C5AR2: variants seen among roughly 807,000 people sequenced by gnomAD.
The protein encoded by C5AR2 is complement C5a receptor 2.
For missense variants in C5AR2, 458 were observed against 467.5 expected, an observed-to-expected ratio of 0.98 and a Z score of 0.19; for synonymous variants, 224 against 216.5, an observed-to-expected ratio of 1.03 and a Z score of -0.30.
At position 47,341,276 on chromosome 19, in the gene C5AR2, G is replaced by A. The variant is rs1969020194; in HGVS notation, c.477G>A (p.Trp159Ter). The change falls in exon 2 of 2, where the codon TGG (tryptophan) becomes TGA (stop). Residue 159 changes from tryptophan (W) to a stop codon, truncating the protein, a stop_gained. Coordinates refer to ENST00000595464, the MANE Select transcript of C5AR2 (RefSeq NM_001271749.2). LOFTEE classifies it low-confidence loss of function (END_TRUNC). This position sits in a 1 kb window ranked among gnomAD's most constrained non-coding sequence, Gnocchi z 4.6. ...CGVQVACGAAWTLALLLTVPS... is the reference protein window; with the variant it reads ...CGVQVACGAA ...TGCAGGTGGCCTGTGGGGCAGCCTGGACACTGGCCTTGCTGCTCACCGTGC... is the reference window on the plus strand; with the variant it reads ...TGCAGGTGGCCTGTGGGGCAGCCTGAACACTGGCCTTGCTGCTCACCGTGC... The A allele has an allele frequency of 6.2e-7, 1 of 1,606,108 alleles. No individual in the cohort carries two copies. Among genetic ancestry groups the A allele is most frequent in the East Asian group, 2.2e-5 (1 of 44,870 alleles).
At position 47,341,550 on chromosome 19, in the gene C5AR2, C is replaced by A. The variant is rs746367478; in HGVS notation, c.751C>A (p.Leu251Met). The A allele has an allele frequency of 1.4e-5, 22 of 1,613,208 alleles. No homozygotes were observed. The South Asian group carries it at 2.2e-4, about 16-fold the overall frequency. The change falls in exon 2 of 2, where the codon CTG (leucine) becomes ATG (methionine). Residue 251 changes from leucine to methionine, a missense_variant. Physicochemically the swap from Leu to Met is conservative, Grantham distance 15. Coordinates refer to ENST00000595464, the MANE Select transcript of C5AR2 (RefSeq NM_001271749.2). The surrounding 1 kb of genome is among the most constrained non-coding windows in gnomAD (Gnocchi z 4.6). ...GFFVCWAPYH[L>M]LGLVLTVAAP... Reference sequence around the variant, plus strand: ...TTTTGTCTGCTGGGCACCCTACCACCTGCTGGGGCTGGTGCTCACTGTGGC... The same window carrying A: ...TTTTGTCTGCTGGGCACCCTACCACATGCTGGGGCTGGTGCTCACTGTGGC...
chr19:47,340,702 G>T, intron 1 of C5AR2, 83 bp from the exon 2 acceptor site: 1 of 1,280,836 alleles, frequency 7.8e-7, no homozygotes, highest in South Asian at 1.2e-5. Context: ...AGGTGCTGGT[G>T]GGCCGGGCTG....
In C5AR2 at chr19:47,340,933, T is replaced by C. The variant is rs1969006773; in HGVS notation, c.134T>C (p.Ile45Thr). 6.2e-7 allele frequency: 1 copy of C among 1,612,436 alleles called. No homozygotes were observed. The highest frequency in any genetic ancestry group is 8.5e-7 in the Non-Finnish European group (1 of 1,179,918). ...GCCCCGCTCCCACTGTATGCCGCCA[T>C]CTTCCTGGTGGGGGTGCCGGGCAAT... ...RVAPLPLYAA[I>T]FLVGVPGNAM... Residue 45 changes from isoleucine (I) to threonine (T), a missense_variant, in exon 2 of 2, where the codon ATC (isoleucine) becomes ACC (threonine). By Grantham distance (89) the Ile-to-Thr change is moderately conservative. Coordinates refer to ENST00000595464, the MANE Select transcript of C5AR2 (RefSeq NM_001271749.2).
intron 1 of C5AR2, among the ~76,000 whole-genome samples, chr19:47,334,468 GAA>G (rs58125577): frequency 7.2e-6 from 1 of 138,400 alleles, no homozygotes; most frequent in Non-Finnish European, 1.5e-5. Context: ...TGTCCATACA[GAA>G]AAAAAAAAAA....
Position 47,341,953 on chromosome 19 carries a change from T to C in C5AR2, c.*140T>C. The C allele has an allele frequency of 1.2e-6, 1 of 828,486 alleles. No individual in the cohort carries two copies. Among genetic ancestry groups the C allele is most frequent in the East Asian group, 2.6e-5 (1 of 37,806 alleles). 51.3% of individuals were successfully genotyped at this position (828,486 alleles called of 1,614,324 possible). ...ACAGATATCCATCATGCACTTGCTA[T>C]GTGCAAGGCCTTTTTAGGCACTAGA... On this transcript the variant is annotated 3_prime_UTR_variant, in exon 2 of 2. Coordinates refer to ENST00000595464, the MANE Select transcript of C5AR2 (RefSeq NM_001271749.2). This position sits in a 1 kb window ranked among gnomAD's most constrained non-coding sequence, Gnocchi z 4.6.
chr19:47,341,018 G>T lies in C5AR2; in HGVS notation c.219G>T (p.Leu73Phe). ...VARRRVGATW[L>F]LHLAVADLLC... Reference sequence around the variant, plus strand: ...GCCGGAGGGTGGGTGCCACCTGGTTGCTCCACCTGGCCGTGGCGGATTTGC... The same window carrying T: ...GCCGGAGGGTGGGTGCCACCTGGTTTCTCCACCTGGCCGTGGCGGATTTGC... Residue 73 changes from leucine (L) to phenylalanine (F), a missense_variant, in exon 2 of 2, where the codon TTG becomes TTT. Leu to Phe is a conservative substitution (Grantham distance 22, BLOSUM62 0). Transcript: ENST00000595464. The surrounding 1 kb of genome is among the most constrained non-coding windows in gnomAD (Gnocchi z 4.6). 1 of 1,608,694 alleles carries T rather than the reference G, an allele frequency of 6.2e-7. No homozygotes were observed.
intron 1 of C5AR2, among the ~76,000 whole-genome samples, chr19:47,334,966 C>T (rs2059351890): frequency 2.0e-5 from 3 of 151,988 alleles, no homozygotes; most frequent in South Asian, 4.2e-4. Flanking sequence ...CTGACTGCAA[C>T]CTCCACCTCC....
Position 47,340,779 on chromosome 19 carries a change from G to A in C5AR2, c.-15-6G>A. 6.2e-7 allele frequency: 1 copy of A among 1,612,872 alleles called. No individual in the cohort carries two copies. The highest frequency in any genetic ancestry group is 8.5e-7 in the Non-Finnish European group (1 of 1,179,748). ...TGAGTTTTCATCGTCTTTCTCTCCT[G>A]CCCAGACACCAGGAGCCTGAATGGG... is the stretch of plus-strand genomic sequence containing the variant. On this transcript the variant is annotated splice_region_variant and splice_polypyrimidine_tract_variant and intron_variant, in intron 1 of 1. Transcript: ENST00000595464.
intron 1 of C5AR2, among the ~76,000 whole-genome samples, chr19:47,336,499 TTCTTTC>T (rs2059359126): frequency 6.8e-6 from 1 of 146,888 alleles, no homozygotes; most frequent in South Asian, 2.2e-4. Context: ...CTTTCTTTCT[TTCTTTC>T]TTTCTTTTTC....
intron 1 of C5AR2, among the ~76,000 whole-genome samples, chr19:47,338,275 T>G (rs971806836): frequency 3.6e-4 from 1 of 2,768 alleles, no homozygotes; most frequent in Non-Finnish European, 6.2e-4. Flanking sequence ...ACCCTGTCTC[T>G]AAAAAAAATA....
intron 1 of C5AR2, among the ~76,000 whole-genome samples, chr19:47,337,332 CA>C (rs530442589): frequency 5.3e-4 from 81 of 152,164 alleles, no homozygotes; most frequent in Non-Finnish European, 9.3e-4. Flanking sequence ...TATTCTAGGG[CA>C]TGGGGTTCTG....
rs1241331535 is a variant in C5AR2 at position 47,344,740 on chromosome 19, A to G, written c.*2927A>G. The G allele has an allele frequency of 6.6e-6, 1 of 152,126 alleles. No homozygotes were observed. The highest frequency in any genetic ancestry group is 1.5e-5 in the Non-Finnish European group (1 of 68,026). The allele number at this position is 152,126 out of a possible 1,614,324, so 9.4% of individuals were successfully genotyped here. A position where few individuals can be genotyped will look rare whatever the true frequency, so the allele number is the denominator to read the frequency against. On this transcript the variant is annotated 3_prime_UTR_variant, in exon 2 of 2. Transcript: ENST00000595464. ...GTCCCAGCTAAACTGTAAATTCCCC[A>G]AGGGTAACAACTGGACTAATTTTTT...
intron 1 of C5AR2, among the ~76,000 whole-genome samples, chr19:47,335,367 G>T (rs2059353376): frequency 6.6e-6 from 1 of 151,960 alleles, no homozygotes; most frequent in Non-Finnish European, 1.5e-5. Flanking sequence ...ATGAAGAAAT[G>T]GAACAACGTA....
rs1338098738 is a variant in C5AR2, at chr19:47,344,370, CAT to C, written c.*2559_*2560del. The C allele has an allele frequency of 1.3e-5, 2 of 151,496 alleles. No homozygotes were observed. Among genetic ancestry groups the C allele is most frequent in the African/African-American group, 2.4e-5 (1 of 40,968 alleles). The allele number at this position is 151,496 out of a possible 1,614,324, so 9.4% of individuals were successfully genotyped here. On this transcript the variant is annotated 3_prime_UTR_variant, in exon 2 of 2. Transcript: ENST00000595464. Reference sequence around the variant, plus strand: ...GCTAAATAAATAAATAAATAAATAACATAGTAGTGATACCTGTGTCTGCGGTC... The same window carrying C: ...GCTAAATAAATAAATAAATAAATAACAGTAGTGATACCTGTGTCTGCGGTC...
chr19:47,335,043 C>A (rs568842496), intron 1 of C5AR2, among the ~76,000 whole-genome samples: 2 of 108,218 alleles, frequency 1.8e-5, no homozygotes, highest in African/African-American at 3.7e-5. Context: ...CGCCCCCACG[C>A]CCAGCTAATT....
intron 1 of C5AR2, 46 bp from the exon 2 acceptor site, chr19:47,340,739 T>C: frequency 6.3e-7 from 1 of 1,586,038 alleles, no homozygotes; most frequent in Non-Finnish European, 8.6e-7. Context: ...TCCAGGGCCA[T>C]GGAGTTTCCT....
Position 47,345,358 on chromosome 19 carries a change from C to CTT in C5AR2, c.*3567_*3568dup, listed in dbSNP as rs34783812. The CTT allele has an allele frequency of 0.065, 7,177 of 110,856 alleles. 353 individuals carry two copies. Among genetic ancestry groups the CTT allele is most frequent in the African/African-American group, 0.09 (2,402 of 26,772 alleles). 6.9% of individuals were successfully genotyped at this position (110,856 alleles called of 1,614,324 possible). On this transcript the variant is annotated 3_prime_UTR_variant, in exon 2 of 2. Transcript: ENST00000595464. ...GCTCAGTCAGAAAGCACTGGTATCA[C>CTT]TTTTTTTTTTTTTTTTTTTTTTTGA...
rs762862618 is a variant in C5AR2, at chr19:47,340,849, C to T, written c.50C>T (p.Ser17Leu). ...SYEYGDYSDL[S>L]DRPVDCLDGA... ...GAGTATGGGGATTACAGCGACCTCTCGGACCGCCCTGTGGACTGCCTGGAT... is the reference window on the plus strand; with the variant it reads ...GAGTATGGGGATTACAGCGACCTCTTGGACCGCCCTGTGGACTGCCTGGAT... Residue 17 changes from serine (S) to leucine (L), a missense_variant, in exon 2 of 2, where the codon TCG becomes TTG. By Grantham distance (145) the Ser-to-Leu change is moderately radical. Coordinates refer to ENST00000595464, the MANE Select transcript of C5AR2 (RefSeq NM_001271749.2). 1.3e-5 allele frequency: 21 copies of T among 1,613,510 alleles called. No homozygotes were observed. The Admixed American group carries it at 1.7e-4, about 13-fold the overall frequency.
In C5AR2 at chr19:47,341,689, C is replaced by T. The variant is rs764228335; in HGVS notation, c.890C>T (p.Ala297Val). ...ATGCTCTTCCTGTATTTTGGGAGGGCTCAACTCCGCCGGTCACTGCCAGCT... is the reference window on the plus strand; with the variant it reads ...ATGCTCTTCCTGTATTTTGGGAGGGTTCAACTCCGCCGGTCACTGCCAGCT... ...NPMLFLYFGRAQLRRSLPAAC... is the reference protein window; with the variant it reads ...NPMLFLYFGRVQLRRSLPAAC... The change falls in exon 2 of 2, where the codon GCT (alanine) becomes GTT (valine). Residue 297 changes from alanine to valine, a missense_variant. Transcript: ENST00000595464. The surrounding 1 kb of genome is among the most constrained non-coding windows in gnomAD (Gnocchi z 4.6). 5 of 1,614,084 alleles carry T rather than the reference C, an allele frequency of 3.1e-6. No homozygotes were observed. Among genetic ancestry groups the T allele is most frequent in the Non-Finnish European group, 3.4e-6 (4 of 1,180,026 alleles).
Sources: gnomAD v4.1 joint callset for allele counts (sites outside exome capture counted in the v4.1 genomes callset) on GRCh38, gnomAD v4.1.1 for gene constraint, Gnocchi (gnomAD v3.1) non-coding constraint, MANE v1.5 for transcripts, NCBI Gene and HGNC (gene_info 2026-07-23, HGNC 2026-07-21) for gene names.